Variants in NBEAL1 observed in about 807,000 individuals in gnomAD.
NBEAL1 encodes the protein neurobeachin like 1, also known as neurobeachin-like protein 1.
A neutral mutation model predicts 351.3 loss-of-function variants in NBEAL1; 273 were observed. The observed-to-expected ratio is 0.78, with a 90% CI of 0.70 to 0.86. NBEAL1 has a LOEUF of 0.86. Among genes scored for constraint, NBEAL1 ranks in the 40% least tolerant of loss-of-function variants. NBEAL1 has a pLI of 0.00. For synonymous variants in NBEAL1, 1,050 were observed against 1,086.4 expected (o/e 0.97, Z 0.66); for missense variants, 2,961 against 3,201.3 (o/e 0.92, Z 1.81).
At position 203,126,821 on chromosome 2, in the gene NBEAL1, T is replaced by C. The variant is rs2062948040; in HGVS notation, c.3146-3T>C. 6.5e-7 allele frequency: 1 copy of C among 1,547,714 alleles called. No homozygotes were observed. Among genetic ancestry groups the C allele is most frequent in the South Asian group, 1.2e-5 (1 of 82,652 alleles). ...TTACTTACCATTGAACTTTTTATTTTAGGTCACATACAGTATCTTTCAACC... is the reference window on the plus strand; with the variant it reads ...TTACTTACCATTGAACTTTTTATTTCAGGTCACATACAGTATCTTTCAACC... On this transcript the variant is annotated splice_region_variant and splice_polypyrimidine_tract_variant and intron_variant, in intron 22 of 55. Coordinates refer to ENST00000683969, the MANE Select transcript of NBEAL1 (RefSeq NM_001378026.1).
chr2:203,139,078 G>C (rs1040784286), intron 31 of NBEAL1, among the ~76,000 whole-genome samples: 1 of 151,640 alleles, frequency 6.6e-6, no homozygotes, highest in Admixed American at 6.6e-5. Context: ...TGCAGTTTAG[G>C]GCTTGAATTT....
At chr2:203,118,419 AACTTCTTTTTCCCAAAGAT>A (rs2062748293) in intron 18 of NBEAL1, among the ~76,000 whole-genome samples, 1 of 152,136 alleles carries the variant, frequency 6.6e-6, no homozygotes, top group Admixed American at 6.6e-5. Context: ...TGCTTTGTAT[AACTTCTTTTTCCCAAAGAT>A]ACATGTTTGT....
intron 48 of NBEAL1, among the ~76,000 whole-genome samples, chr2:203,198,563 T>C (rs954502324): frequency 1.5e-4 from 23 of 152,108 alleles, no homozygotes; most frequent in African/African-American, 5.6e-4. Flanking sequence ...AAAAATAATC[T>C]TCCTAAAGAA....
chr2:203,035,345 C>T (rs2061026089), intron 2 of NBEAL1, among the ~76,000 whole-genome samples: 1 of 149,218 alleles, frequency 6.7e-6, no homozygotes, highest in African/African-American at 2.4e-5. Context: ...TAACACATCT[C>T]ATTAGTAGGT....
intron 3 of NBEAL1, among the ~76,000 whole-genome samples, chr2:203,047,261 A>G (rs906158181): frequency 2.0e-5 from 3 of 151,994 alleles, no homozygotes; most frequent in Non-Finnish European, 4.4e-5. Flanking sequence ...ACAAACACAT[A>G]CAAGTAGACA....
At chr2:203,103,482 G>C (rs2062370806) in intron 12 of NBEAL1, among the ~76,000 whole-genome samples, 1 of 152,152 alleles carries the variant, frequency 6.6e-6, no homozygotes, top group Non-Finnish European at 1.5e-5. Flanking sequence ...ATGTTGGCCA[G>C]ACTGGTCTTG....
chr2:203,180,443 A>G lies in NBEAL1; in HGVS notation c.6526A>G (p.Asn2176Asp). 6.2e-7 allele frequency: 1 copy of G among 1,608,222 alleles called. No individual in the cohort carries two copies. Among genetic ancestry groups the G allele is most frequent in the Non-Finnish European group, 8.5e-7 (1 of 1,175,080 alleles). The change falls in exon 43 of 56, where the codon AAT becomes GAT. Residue 2176 changes from asparagine (N) to aspartate (D), a missense_variant. By Grantham distance (23) the Asn-to-Asp change is conservative (BLOSUM62 1). Coordinates refer to ENST00000683969, the MANE Select transcript of NBEAL1 (RefSeq NM_001378026.1). ...TGCTACCTGGCAAGCTCTTATGGAT[A>G]ATCCATATGATGTTAAAGAACTTAT... is the stretch of plus-strand genomic sequence containing the variant. ...IPATWQALMD[N>D]PYDVKELIPE...
chr2:203,019,930 C>T (rs575665931), intron 2 of NBEAL1, among the ~76,000 whole-genome samples: 2 of 151,810 alleles, frequency 1.3e-5, no homozygotes, highest in African/African-American at 4.8e-5. Flanking sequence ...AGATGGAGTC[C>T]CAATATTTGA....
At chr2:203,048,277 G>T (rs1043318444) in intron 3 of NBEAL1, among the ~76,000 whole-genome samples, 1 of 151,598 alleles carries the variant, frequency 6.6e-6, no homozygotes, top group Admixed American at 6.6e-5. Context: ...AGCTACTCGG[G>T]AGCCTGAGGC....
chr2:203,126,642 T>C lies in NBEAL1; in HGVS notation c.3071T>C (p.Leu1024Pro). Residue 1024 changes from leucine to proline, a missense_variant, in exon 22 of 56, where the codon CTC becomes CCC. Leu to Pro is a moderately conservative substitution (Grantham distance 98, BLOSUM62 -3). Coordinates refer to ENST00000683969, the MANE Select transcript of NBEAL1 (RefSeq NM_001378026.1). ...GTATCATTAGAGAAAAATATGCAGC[T>C]CCTGCAACAAATGTATCAATATTTA... ...EQVSLEKNMQ[L>P]LQQMYQYLLF... 1 of 1,530,366 alleles carries C rather than the reference T, an allele frequency of 6.5e-7. No individual in the cohort carries two copies. The highest frequency in any genetic ancestry group is 1.3e-5 in the South Asian group (1 of 79,166). 94.8% of individuals were successfully genotyped at this position (1,530,366 alleles called of 1,614,324 possible). A position where few individuals can be genotyped will look rare whatever the true frequency, so the allele number is the denominator to read the frequency against.
In NBEAL1 at chr2:203,113,246, G is replaced by T; in HGVS notation, c.2434G>T (p.Gly812Cys). 6.6e-7 allele frequency: 1 copy of T among 1,516,602 alleles called. No homozygotes were observed. The allele number at this position is 1,516,602 out of a possible 1,614,324, so 93.9% of individuals were successfully genotyped here. ...ATGGGGGTGTCCCACATCTCTGGAG[G>T]GTCAGCTAGGATCTGTTATCATCTT... is the stretch of plus-strand genomic sequence containing the variant. ...SEWGCPTSLE[G>C]QLGSVIIFYE... The change falls in exon 17 of 56, where the codon GGT becomes TGT. Residue 812 changes from glycine to cysteine, a missense_variant. Gly to Cys is a radical substitution (Grantham distance 159). Transcript: ENST00000683969.
intron 28 of NBEAL1, 109 bp from the exon 29 acceptor site, chr2:203,136,490 C>A: frequency 1.1e-6 from 1 of 886,472 alleles, no homozygotes; most frequent in Non-Finnish European, 1.7e-6. Flanking sequence ...TCATTAAGGA[C>A]TTTAAAAATA....
Position 203,172,853 on chromosome 2 carries a change from AG to A in NBEAL1, c.6323+1del. 1 of 1,602,752 alleles carries A rather than the reference AG, an allele frequency of 6.2e-7. No homozygotes were observed. The highest frequency in any genetic ancestry group is 8.5e-7 in the Non-Finnish European group (1 of 1,175,410). ...AAAAACGCCAAAGCTATGAGAGAAAAGTAAGTGCTTCTTATTCCTTTTATAA... is the reference window on the plus strand; with the variant it reads ...AAAAACGCCAAAGCTATGAGAGAAAATAAGTGCTTCTTATTCCTTTTATAA... On this transcript the variant is annotated splice_donor_variant, in intron 41 of 55. Coordinates refer to ENST00000683969, the MANE Select transcript of NBEAL1 (RefSeq NM_001378026.1). LOFTEE classifies it high-confidence loss of function.
intron 33 of NBEAL1, among the ~76,000 whole-genome samples, chr2:203,148,610 CTT>C (rs1467947175): frequency 6.6e-6 from 1 of 151,990 alleles, no homozygotes; most frequent in Admixed American, 6.6e-5. Flanking sequence ...TTTCTTTCCT[CTT>C]GAGTCTCATT....
At chr2:203,110,767 C>CTT (rs71034215) in intron 15 of NBEAL1, among the ~76,000 whole-genome samples, 12,964 of 106,690 alleles carry the variant, frequency 0.12, 1,824 homozygotes, top group African/African-American at 0.15. Context: ...TTTCTTTTTT[C>CTT]TTTTTTTTTT....
rs1240940941 is a variant in NBEAL1 at position 203,221,399 on chromosome 2, G to GGGTGTC, written c.*4046_*4051dup. Among the ~76,000 whole-genome samples the GGGTGTC allele has an allele frequency of 6.6e-6, 1 of 151,368 alleles. No individual in the cohort carries two copies. The highest frequency in any genetic ancestry group is 1.5e-5 in the Non-Finnish European group (1 of 67,856). ...TATTATTAAATAATATATGTAATATGGGTGTCTGTTGGGGTTATGTGTGTG... is the reference window on the plus strand; with the variant it reads ...TATTATTAAATAATATATGTAATATGGGTGTCGGTGTCTGTTGGGGTTATGTGTGTG... On this transcript the variant is annotated 3_prime_UTR_variant, in exon 56 of 56. Transcript: ENST00000683969.
intron 40 of NBEAL1, 60 bp downstream of exon 40, chr2:203,172,083 A>T (rs940678694): frequency 1.1e-5 from 9 of 852,824 alleles, no homozygotes; most frequent in Non-Finnish European, 1.4e-5. Context: ...AAATCACATA[A>T]GTATATACAT....
At chr2:203,141,364 TTA>T (rs1404869980) in intron 31 of NBEAL1, among the ~76,000 whole-genome samples, 14 of 75,526 alleles carry the variant, frequency 1.9e-4, no homozygotes, top group African/African-American at 5.7e-4. Context: ...ATTATTATTA[TTA>T]TTTTTTTTTT....
At chr2:203,029,079 G>A (rs1168253926) in intron 2 of NBEAL1, among the ~76,000 whole-genome samples, 1 of 152,076 alleles carries the variant, frequency 6.6e-6, no homozygotes, top group Non-Finnish European at 1.5e-5. Flanking sequence ...TCCACCTCCC[G>A]AGTTCCAGTG....
Sources: allele counts gnomAD v4.1 joint callset (sites outside exome capture counted in the v4.1 genomes callset), GRCh38; gene constraint gnomAD v4.1.1; transcripts MANE v1.5; gene names NCBI Gene and HGNC (gene_info 2026-07-23, HGNC 2026-07-21).